Variants in NCOA1 observed in about 807,000 individuals in gnomAD.
The protein encoded by NCOA1 is Hin-2 protein.
Under a neutral mutation model 150.9 loss-of-function variants are expected in NCOA1, and 35 were observed. The observed-to-expected ratio is 0.23, with a 90% CI of 0.18 to 0.31. NCOA1 has a LOEUF of 0.31. Among genes scored for constraint, NCOA1 ranks in the 10% least tolerant of loss-of-function variants. NCOA1 has a pLI of 1.00. For missense variants in NCOA1, 1,491 were observed against 1,749.3 expected (o/e 0.85, Z 2.63); for synonymous variants, 590 against 630.0 (o/e 0.94, Z 0.95).
chr2:24,553,408 G>C (rs6712037), intron 1 of NCOA1, among the ~76,000 whole-genome samples: 1 of 151,936 alleles, frequency 6.6e-6, no homozygotes, highest in Non-Finnish European at 1.5e-5. Context: ...TAGTAGAGAC[G>C]GGGTTTCACC....
At chr2:24,523,353 T>C (rs1349289077) in intron 1 of NCOA1, among the ~76,000 whole-genome samples, 1 of 152,054 alleles carries the variant, frequency 6.6e-6, no homozygotes, top group Non-Finnish European at 1.5e-5. Context: ...ACGCCTGTAA[T>C]CCCAGCACTT....
chr2:24,498,276 C>T (rs1190236480), intron 1 of NCOA1, among the ~76,000 whole-genome samples: 1 of 152,154 alleles, frequency 6.6e-6, no homozygotes, highest in Non-Finnish European at 1.5e-5. Flanking sequence ...TATATGAGTA[C>T]GTACTTTGTT....
chr2:24,645,510 GAA>G (rs397873594), intron 4 of NCOA1, among the ~76,000 whole-genome samples: 10 of 73,332 alleles, frequency 1.4e-4, no homozygotes, highest in Non-Finnish European at 1.8e-4. Flanking sequence ...ACTCCTCTCA[GAA>G]AAAAAAAAAA....
intron 19 of NCOA1, among the ~76,000 whole-genome samples, chr2:24,744,850 A>T (rs1207426390): frequency 6.6e-6 from 1 of 152,242 alleles, no homozygotes; most frequent in African/African-American, 2.4e-5. Context: ...GTAGTTAAAG[A>T]AACTTTATGG....
chr2:24,753,114 A>G (rs149847690), intron 20 of NCOA1, among the ~76,000 whole-genome samples: 163 of 139,606 alleles, frequency 1.2e-3, no homozygotes, highest in Admixed American at 3.2e-3. Context: ...AGTGAGGACC[A>G]TGTATAAATT....
intron 7 of NCOA1, among the ~76,000 whole-genome samples, chr2:24,675,885 A>G (rs1671885879): frequency 6.6e-6 from 1 of 152,238 alleles, no homozygotes; most frequent in Non-Finnish European, 1.5e-5. Context: ...ACTCTGTCTC[A>G]AAATAAATAA....
intron 1 of NCOA1, among the ~76,000 whole-genome samples, chr2:24,563,645 G>A (rs1235572273): frequency 6.6e-6 from 1 of 152,002 alleles, no homozygotes; most frequent in East Asian, 1.9e-4. Context: ...AGCCTCCCGA[G>A]TAGCTGGGAC....
rs559558003 is a variant in NCOA1 at position 24,660,421 on chromosome 2, G to C, written c.89+1655G>C. ...GTAATACAATATTAACAATTGATTT[G>C]TCTGCAGTATTTTAATCTATTTTTA... On this transcript the variant is annotated intron_variant, in intron 5 of 22. Transcript: ENST00000348332. 5.3e-5 allele frequency among the ~76,000 whole-genome samples: 8 copies of C among 151,664 alleles called. No individual in the cohort carries two copies. In the East Asian group the frequency reaches 1.5e-3, roughly 29 times the overall value.
At chr2:24,663,979 A>T (rs1671299807) in intron 5 of NCOA1, among the ~76,000 whole-genome samples, 1 of 152,174 alleles carries the variant, frequency 6.6e-6, no homozygotes, top group African/African-American at 2.4e-5. Context: ...TGCAGTTTAG[A>T]TCCATGGATT....
intron 1 of NCOA1, among the ~76,000 whole-genome samples, chr2:24,533,160 T>A (rs1664970773): frequency 6.6e-6 from 1 of 152,172 alleles, no homozygotes; most frequent in South Asian, 2.1e-4. Flanking sequence ...CTTGAAGAGG[T>A]CCTTCACATC....
intron 14 of NCOA1, among the ~76,000 whole-genome samples, chr2:24,725,434 T>G (rs1226331126): frequency 6.6e-6 from 1 of 152,092 alleles, no homozygotes; most frequent in African/African-American, 2.4e-5. Flanking sequence ...ATTTTTTTTC[T>G]CCTGAACTCC....
chr2:24,656,210 A>G (rs1354732781), intron 4 of NCOA1, among the ~76,000 whole-genome samples: 1 of 152,282 alleles, frequency 6.6e-6, no homozygotes, highest in Non-Finnish European at 1.5e-5. Flanking sequence ...TGAGAAGGAA[A>G]TAGGTTTATA....
Position 24,769,186 on chromosome 2 carries a change from A to G in NCOA1, c.*795A>G, listed in dbSNP as rs1319417919. 1 of 197,674 alleles carries G rather than the reference A, an allele frequency of 5.1e-6. No individual in the cohort carries two copies. The highest frequency in any genetic ancestry group is 1.0e-5 in the Non-Finnish European group (1 of 95,344). The allele number at this position is 197,674 out of a possible 1,614,324, so 12.2% of individuals were successfully genotyped here. On this transcript the variant is annotated 3_prime_UTR_variant, in exon 23 of 23. Coordinates refer to ENST00000348332, the MANE Select transcript of NCOA1 (RefSeq NM_003743.5). Reference sequence around the variant, plus strand: ...AAGGCAGCCTGTTTTTTCTGCTTTTATTGTATTAACAGCTGAGGTAGCTAA... The same window carrying G: ...AAGGCAGCCTGTTTTTTCTGCTTTTGTTGTATTAACAGCTGAGGTAGCTAA...
At chr2:24,585,860 T>G (rs554775120) in intron 3 of NCOA1, among the ~76,000 whole-genome samples, 2 of 152,324 alleles carry the variant, frequency 1.3e-5, no homozygotes, top group African/African-American at 2.4e-5. Flanking sequence ...AAAGTCCTCT[T>G]TTATTAGTTT....
At chr2:24,507,189 G>A (rs1047552662) in intron 1 of NCOA1, among the ~76,000 whole-genome samples, 1 of 152,156 alleles carries the variant, frequency 6.6e-6, no homozygotes, top group Non-Finnish European at 1.5e-5. Flanking sequence ...ACAGCTTTAT[G>A]GATGAGGGGC....
At chr2:24,724,080 T>TTTTTGTTTTGTTTTGTTTTG (rs200648819) in intron 14 of NCOA1, among the ~76,000 whole-genome samples, 16 of 151,746 alleles carry the variant, frequency 1.1e-4, no homozygotes, top group African/African-American at 2.2e-4. Context: ...TTTTGTTTGT[T>TTTTTGTTTTGTTTTGTTTTG]TTTTGTTTTG....
rs536387442 is a variant in NCOA1 at position 24,769,790 on chromosome 2, G to A, written c.*1399G>A. The A allele has an allele frequency of 2.2e-5, 5 of 223,038 alleles. No homozygotes were observed. Among genetic ancestry groups the A allele is most frequent in the African/African-American group, 1.1e-4 (5 of 44,822 alleles). 13.8% of individuals were successfully genotyped at this position (223,038 alleles called of 1,614,324 possible). A position where few individuals can be genotyped will look rare whatever the true frequency, so the allele number is the denominator to read the frequency against. On this transcript the variant is annotated 3_prime_UTR_variant, in exon 23 of 23. Coordinates refer to ENST00000348332, the MANE Select transcript of NCOA1 (RefSeq NM_003743.5). Reference sequence around the variant, plus strand: ...CTAGTTCTAGAAGTTCCGCTGCAAGGCCAGGAAAGCTTGAGAAAGGTATTG... The same window carrying A: ...CTAGTTCTAGAAGTTCCGCTGCAAGACCAGGAAAGCTTGAGAAAGGTATTG...
Position 24,671,992 on chromosome 2 carries a change from GAC to G in NCOA1, c.257-1370_257-1369del, listed in dbSNP as rs558622606. On this transcript the variant is annotated intron_variant, in intron 6 of 22. Transcript: ENST00000348332. ...AAAAAATCTATATGTATTCAGCACA[GAC>G]ACAATTCATTTTCAAATATTTTTGA... 1.3e-4 allele frequency among the ~76,000 whole-genome samples: 20 copies of G among 152,234 alleles called. No individual in the cohort carries two copies. In the East Asian group the frequency reaches 3.9e-3, roughly 29 times the overall value.
chr2:24,674,320 C>T (rs1282543821), intron 7 of NCOA1, among the ~76,000 whole-genome samples: 1 of 151,936 alleles, frequency 6.6e-6, no homozygotes. Flanking sequence ...ATTCTCCTGC[C>T]TCAGCCTCCT....
Sources: allele counts gnomAD v4.1 joint callset (sites outside exome capture counted in the v4.1 genomes callset), GRCh38; gene constraint gnomAD v4.1.1; transcripts MANE v1.5; gene names NCBI Gene and HGNC (gene_info 2026-07-23, HGNC 2026-07-21).